C7: variants seen among roughly 807,000 people sequenced by gnomAD.
The protein encoded by C7 is complement component C7.
A neutral mutation model predicts 104.8 loss-of-function variants in C7; 83 were observed. The observed-to-expected ratio is 0.79, with a 90% CI of 0.66 to 0.95. C7 has a LOEUF of 0.95. Among genes scored for constraint, C7 ranks in the 40% least tolerant of loss-of-function variants. The pLI is 0.00. For synonymous variants in C7, 415 were observed against 360.6 expected, an observed-to-expected ratio of 1.15 and a Z score of -1.71; for missense variants, 1,070 against 1,011.2, an observed-to-expected ratio of 1.06 and a Z score of -0.79.
At chr5:40,930,717 C>A (rs568713197) in intron 2 of C7, among the ~76,000 whole-genome samples, 1 of 151,822 alleles carries the variant, frequency 6.6e-6, no homozygotes, top group East Asian at 1.9e-4. Context: ...CACGCGCCAC[C>A]CTGCCTGGCT....
intron 11 of C7, 22 bp downstream of exon 11, chr5:40,958,283 T>G: frequency 2.3e-5 from 35 of 1,498,894 alleles, no homozygotes; most frequent in Non-Finnish European, 2.9e-5. Flanking sequence ...GAATTTTCTC[T>G]AGCCACCCTG....
intron 1 of C7, among the ~76,000 whole-genome samples, chr5:40,919,619 C>G (rs997935756): frequency 1.5e-4 from 23 of 151,910 alleles, no homozygotes; most frequent in African/African-American, 5.3e-4. Context: ...GAAAAAGACC[C>G]TGTCTCTAAA....
At chr5:40,971,215 G>T (rs543530605) in intron 14 of C7, among the ~76,000 whole-genome samples, 1 of 152,092 alleles carries the variant, frequency 6.6e-6, no homozygotes, top group Non-Finnish European at 1.5e-5. Flanking sequence ...GTGTAAAAGC[G>T]TTCCTATTTC....
chr5:40,957,954 G>C, intron 10 of C7, 79 bp from the exon 11 acceptor site: 1 of 901,224 alleles, frequency 1.1e-6, no homozygotes, highest in Non-Finnish European at 1.6e-6. Flanking sequence ...GTTTTAATGA[G>C]AGTCGTGCCT....
intron 13 of C7, 69 bp from the exon 14 acceptor site, chr5:40,964,671 AT>A (rs1485147692): frequency 1.3e-5 from 17 of 1,344,666 alleles, no homozygotes; most frequent in Non-Finnish European, 1.8e-5. Flanking sequence ...GACTGAATAT[AT>A]GTAAAGAAAC....
Position 40,962,080 on chromosome 5 carries a change from T to G in C7, c.1662-5T>G, listed in dbSNP as rs1284831020. 3 of 1,495,430 alleles carry G rather than the reference T, an allele frequency of 2.0e-6. No individual in the cohort carries two copies. Among genetic ancestry groups the G allele is most frequent in the African/African-American group, 1.4e-5 (1 of 72,464 alleles). The allele number at this position is 1,495,430 out of a possible 1,614,324, so 92.6% of individuals were successfully genotyped here. A position where few individuals can be genotyped will look rare whatever the true frequency, so the allele number is the denominator to read the frequency against. ...TCACATTAATTACATTTTTTTTCCTTCCAGGTTGCTTGAACCACATTGCTT... is the reference window on the plus strand; with the variant it reads ...TCACATTAATTACATTTTTTTTCCTGCCAGGTTGCTTGAACCACATTGCTT... On this transcript the variant is annotated splice_polypyrimidine_tract_variant and splice_region_variant and intron_variant, in intron 12 of 17. Transcript: ENST00000313164.
At chr5:40,925,703 C>A (rs1339506360) in intron 1 of C7, among the ~76,000 whole-genome samples, 1 of 152,098 alleles carries the variant, frequency 6.6e-6, no homozygotes. Context: ...GTAGGCTGTA[C>A]AAGCATGGCA....
rs745826287 is a variant in C7 at position 40,958,133 on chromosome 5, CCT to C, written c.1362_1363del (p.Cys455SerfsTer14). 7 of 1,613,666 alleles carry C rather than the reference CCT, an allele frequency of 4.3e-6. No homozygotes were observed. The East Asian group carries it at 1.3e-4, about 31-fold the overall frequency. On this transcript the variant is annotated frameshift_variant, in exon 11 of 18. Transcript: ENST00000313164. LOFTEE classifies it high-confidence loss of function. The stretch of plus-strand genomic sequence containing the variant: ...GAAGAGTATCTGGATGAATTTGACC[CCT>C]GTCATTGCCGGCCTTGTCAAAATGG...
intron 6 of C7, among the ~76,000 whole-genome samples, chr5:40,942,367 A>G (rs936884886): frequency 6.6e-6 from 1 of 152,196 alleles, no homozygotes; most frequent in African/African-American, 2.4e-5. Context: ...CCACCCTTTG[A>G]AGAAGTCAGA....
chr5:40,920,595 A>T (rs1739418470), intron 1 of C7, among the ~76,000 whole-genome samples: 1 of 151,408 alleles, frequency 6.6e-6, no homozygotes, highest in South Asian at 2.1e-4. Context: ...TCTACCAAAC[A>T]TTTATTTTTT....
At chr5:40,913,711 G>C (rs2111606918) in intron 1 of C7, among the ~76,000 whole-genome samples, 1 of 152,094 alleles carries the variant, frequency 6.6e-6, no homozygotes, top group East Asian at 1.9e-4. Context: ...ATGGAGTCTT[G>C]CTCTGTCACC....
chr5:40,967,169 G>A (rs929151182), intron 14 of C7, among the ~76,000 whole-genome samples: 16 of 151,278 alleles, frequency 1.1e-4, no homozygotes, highest in African/African-American at 3.2e-4. Context: ...GGGTTCAAGC[G>A]ATTCTCCTAT....
intron 1 of C7, among the ~76,000 whole-genome samples, chr5:40,920,296 T>C (rs907410049): frequency 6.6e-6 from 1 of 152,070 alleles, no homozygotes; most frequent in Non-Finnish European, 1.5e-5. Context: ...TCTTCCAGCA[T>C]TGAAAGTGAG....
At chr5:40,915,056 C>G (rs1739291227) in intron 1 of C7, among the ~76,000 whole-genome samples, 1 of 152,128 alleles carries the variant, frequency 6.6e-6, no homozygotes, top group Non-Finnish European at 1.5e-5. Context: ...CCCCAGGAAG[C>G]AGGCATGGGT....
At position 40,964,763 on chromosome 5, in the gene C7, T is replaced by C. The variant is rs1443315450; in HGVS notation, c.1772T>C (p.Val591Ala). 3 of 1,612,990 alleles carry C rather than the reference T, an allele frequency of 1.9e-6. No homozygotes were observed. Among genetic ancestry groups the C allele is most frequent in the Non-Finnish European group, 2.5e-6 (3 of 1,179,110 alleles). The part of the protein sequence containing the change: ...FVQDEGTMFP[V>A]GKNVVYTCNE... ...TAGGATGAAGGTACAATGTTTCCTG[T>C]GGGGAAAAATGTAGTGTACACTTGC... Residue 591 changes from valine to alanine, a missense_variant, in exon 14 of 18, where the codon GTG (valine) becomes GCG (alanine). Physicochemically the swap from Val to Ala is moderately conservative, Grantham distance 64 (BLOSUM62 0). Coordinates refer to ENST00000313164, the MANE Select transcript of C7 (RefSeq NM_000587.4).
intron 4 of C7, 101 bp downstream of exon 4, chr5:40,934,567 T>A: frequency 8.6e-7 from 1 of 1,158,198 alleles, no homozygotes; most frequent in Non-Finnish European, 1.3e-6. Context: ...GAATTTATAT[T>A]GGCCTAAAGT....
intron 11 of C7, 31 bp from the exon 12 acceptor site, chr5:40,959,418 C>T (rs1478820773): frequency 1.3e-6 from 2 of 1,592,362 alleles, no homozygotes; most frequent in South Asian, 1.1e-5. Context: ...TCTTTAAGAA[C>T]TTATTGATCA....
chr5:40,947,945 A>G (rs1740088157), intron 8 of C7, 100 bp downstream of exon 8: 1 of 1,219,708 alleles, frequency 8.2e-7, no homozygotes. Flanking sequence ...AAATTTGACA[A>G]ACAGAAATTT....
chr5:40,963,673 A>G (rs1485026441), intron 13 of C7, among the ~76,000 whole-genome samples: 1 of 152,276 alleles, frequency 6.6e-6, no homozygotes, highest in East Asian at 1.9e-4. Context: ...GGTGGAAGAC[A>G]ATGAGAAGGG....
Sources: allele counts gnomAD v4.1 joint callset (sites outside exome capture counted in the v4.1 genomes callset), GRCh38; gene constraint gnomAD v4.1.1; transcripts MANE v1.5; gene names NCBI Gene and HGNC (gene_info 2026-07-23, HGNC 2026-07-21).